Variants in RYR3 observed in about 807,000 individuals in gnomAD.
The protein encoded by RYR3 is brain ryanodine receptor-calcium release channel.
Under a neutral mutation model 584.3 loss-of-function variants are expected in RYR3, and 207 were observed. That is an observed-to-expected ratio of 0.35 (90% CI 0.32 to 0.40). The LOEUF (loss-of-function observed/expected upper bound fraction) is 0.40. Among genes scored for constraint, RYR3 ranks in the 10% least tolerant of loss-of-function variants. The pLI is 1.00. For synonymous variants in RYR3, 2,416 were observed against 2,248.5 expected (o/e 1.07, Z -2.11); for missense variants, 5,616 against 6,089.2 (o/e 0.92, Z 2.59).
chr15:33,377,531 G>T (rs1049257284), intron 1 of RYR3, among the ~76,000 whole-genome samples: 2 of 152,192 alleles, frequency 1.3e-5, no homozygotes, highest in South Asian at 4.1e-4. Flanking sequence ...ATTCTCCACA[G>T]GTGGGATTGG....
At chr15:33,608,371 T>G (rs1425218831) in intron 18 of RYR3, among the ~76,000 whole-genome samples, 60 of 152,226 alleles carry the variant, frequency 3.9e-4, no homozygotes, top group Non-Finnish European at 2.9e-5. Flanking sequence ...TCCTAAATGA[T>G]TATTAAGCCA....
chr15:33,705,785 A>C (rs929544437), intron 42 of RYR3, among the ~76,000 whole-genome samples: 1 of 152,192 alleles, frequency 6.6e-6, no homozygotes, highest in African/African-American at 2.4e-5. Context: ...GCAGAACGAG[A>C]GTAGACACCC....
intron 2 of RYR3, among the ~76,000 whole-genome samples, chr15:33,493,280 C>T (rs57448572): frequency 0.015 from 2,276 of 152,232 alleles, 46 homozygotes; most frequent in African/African-American, 0.051. Flanking sequence ...ATTTTTATCT[C>T]CCGTTTGACA....
At chr15:33,860,504 T>C (rs766279220) in intron 100 of RYR3, 91 bp from the exon 101 acceptor site, 90 of 719,132 alleles carry the variant, frequency 1.3e-4, no homozygotes, top group Admixed American at 2.7e-4. Flanking sequence ...CACTTTTTTT[T>C]TTTAACAGAA....
chr15:33,825,723 CTT>C (rs374617439), intron 82 of RYR3, 47 bp downstream of exon 82: 62 of 473,082 alleles, frequency 1.3e-4, no homozygotes, highest in African/African-American at 4.1e-4. Context: ...TGATTAAAAT[CTT>C]TTTTTTTTTT....
At chr15:33,853,765 G>C in intron 96 of RYR3, 83 bp downstream of exon 96, 1 of 1,521,142 alleles carries the variant, frequency 6.6e-7, no homozygotes, top group Non-Finnish European at 8.9e-7. Context: ...TCACAACCGT[G>C]TCTTTGTTCT....
chr15:33,534,773 T>C (rs1471004344), intron 5 of RYR3, among the ~76,000 whole-genome samples: 1 of 152,162 alleles, frequency 6.6e-6, no homozygotes, highest in African/African-American at 2.4e-5. Context: ...CTTCGGAACA[T>C]CAGCAATTAA....
At chr15:33,817,875 T>TA (rs1275204736) in intron 75 of RYR3, among the ~76,000 whole-genome samples, 1 of 152,192 alleles carries the variant, frequency 6.6e-6, no homozygotes, top group Non-Finnish European at 1.5e-5. Context: ...ATTTACCAAA[T>TA]ACGGTCCACC....
Position 33,814,901 on chromosome 15 carries a change from A to G in RYR3, c.10502+1322A>G, listed in dbSNP as rs370664813. On this transcript the variant is annotated intron_variant, in intron 74 of 103. Transcript: ENST00000634891. ...GGGCAACAGAACAAGACTCTGTCTC[A>G]AAAAAAAAAAAAAAAAAAATCAGCC... Among the ~76,000 whole-genome samples, 6 of 13,656 alleles carry G rather than the reference A, an allele frequency of 4.4e-4. No homozygotes were observed. The African/African-American group carries it at 6.3e-3, about 14-fold the overall frequency. The allele number at this position is 13,656 out of a possible 152,430, so 9.0% of individuals were successfully genotyped here.
At chr15:33,508,931 G>C (rs1301234488) in intron 3 of RYR3, among the ~76,000 whole-genome samples, 1 of 152,174 alleles carries the variant, frequency 6.6e-6, no homozygotes, top group East Asian at 1.9e-4. Context: ...GCCTGTGACT[G>C]CTAGGGGTTG....
rs2054387442 is a variant in RYR3, at chr15:33,526,359, G to C, written c.280-4233G>C. ...TCCCTGATCCACCCCCATCCTGCGA[G>C]ATGGAACCAAATATTTTCCTTCTGC... On this transcript the variant is annotated intron_variant, in intron 3 of 103. Transcript: ENST00000634891. Among the ~76,000 whole-genome samples, 3 of 152,180 alleles carry C rather than the reference G, an allele frequency of 2.0e-5. No homozygotes were observed. In the South Asian group the frequency reaches 6.2e-4, roughly 32 times the overall value.
intron 64 of RYR3, among the ~76,000 whole-genome samples, chr15:33,775,920 T>C (rs144288151): frequency 0.013 from 1,943 of 152,372 alleles, 32 homozygotes; most frequent in African/African-American, 0.044. Context: ...AAAGTATGTT[T>C]CCATTTCGGT....
chr15:33,384,457 AATATT>A (rs1249248335), intron 1 of RYR3, among the ~76,000 whole-genome samples: 44 of 139,040 alleles, frequency 3.2e-4, no homozygotes, highest in African/African-American at 5.5e-4. Context: ...ATATAATTAT[AATATT>A]ATATTATAAT....
intron 67 of RYR3, among the ~76,000 whole-genome samples, chr15:33,792,159 A>G (rs1355262014): frequency 6.6e-6 from 1 of 152,186 alleles, no homozygotes; most frequent in Admixed American, 6.5e-5. Flanking sequence ...AAAAGCATGG[A>G]TAAAGGAAGG....
intron 10 of RYR3, among the ~76,000 whole-genome samples, chr15:33,559,771 C>T (rs755467425): frequency 2.0e-5 from 3 of 152,158 alleles, no homozygotes; most frequent in Admixed American, 6.5e-5. Context: ...GGCAGTCTCT[C>T]TCCAGCCAGA....
At chr15:33,367,800 G>A (rs1006882088) in intron 1 of RYR3, among the ~76,000 whole-genome samples, 31 of 152,124 alleles carry the variant, frequency 2.0e-4, no homozygotes, top group Admixed American at 3.9e-4. Context: ...GATAACATAT[G>A]CCCCTAAATT....
chr15:33,508,131 C>T (rs763493618), intron 3 of RYR3, among the ~76,000 whole-genome samples: 8 of 152,010 alleles, frequency 5.3e-5, no homozygotes, highest in East Asian at 3.8e-4. Context: ...ATAAGGGCTC[C>T]GGTTTTCTCT....
At chr15:33,770,494 G>C (rs773747634) in intron 62 of RYR3, among the ~76,000 whole-genome samples, 1 of 152,306 alleles carries the variant, frequency 6.6e-6, no homozygotes, top group Admixed American at 6.5e-5. Flanking sequence ...GCTCACGCCT[G>C]TAATCCCAGC....
At chr15:33,530,747 A>G (rs2054798693) in intron 4 of RYR3, 81 bp downstream of exon 4, 1 of 1,004,912 alleles carries the variant, frequency 1.0e-6, no homozygotes. Flanking sequence ...GCCAGCAATA[A>G]CAACGTAACA....
Sources: allele counts gnomAD v4.1 joint callset (sites outside exome capture counted in the v4.1 genomes callset), GRCh38; gene constraint gnomAD v4.1.1; transcripts MANE v1.5; gene names NCBI Gene and HGNC (gene_info 2026-07-23, HGNC 2026-07-21).